RMST: variants seen among roughly 807,000 people sequenced by gnomAD.
The protein encoded by RMST is rhabdomyosarcoma 2 associated transcript, also known as long intergenic non-protein coding RNA 54.
intron 5 of RMST, among the ~76,000 whole-genome samples, chr12:97,489,418 G>A (rs1048800766): frequency 1.3e-5 from 2 of 151,488 alleles, no homozygotes; most frequent in African/African-American, 2.4e-5. Context: ...CTGCACTCCA[G>A]CCTGGATGAC....
intron 11 of RMST, among the ~76,000 whole-genome samples, chr12:97,535,496 C>T (rs542327706): frequency 2.0e-5 from 3 of 151,610 alleles, no homozygotes; most frequent in Admixed American, 6.6e-5. Flanking sequence ...AGGTACTCCC[C>T]CCAATCCAGT....
At chr12:97,476,201 A>G (rs550631390) in intron 5 of RMST, among the ~76,000 whole-genome samples, 2 of 152,306 alleles carry the variant, frequency 1.3e-5, no homozygotes, top group South Asian at 4.1e-4. Context: ...GTCATTTTAT[A>G]GCCTAAAAGA....
At position 97,553,742 on chromosome 12, in the gene RMST, A is replaced by T. The variant is rs187548705; in HGVS notation, n.1546-6795A>T. Among the ~76,000 whole-genome samples, 6 of 152,190 alleles carry T rather than the reference A, an allele frequency of 3.9e-5. No individual in the cohort carries two copies. The East Asian group carries it at 1.2e-3, about 29-fold the overall frequency. ...CTCAAATCAAATAAGCCTGGGTTTG[A>T]GTCCCAGCATCAATACCTACTAGTT... On this transcript the variant is annotated intron_variant and non_coding_transcript_variant, in intron 11 of 13. Coordinates refer to ENST00000640149, the Ensembl canonical transcript of RMST.
At position 97,534,962 on chromosome 12, in the gene RMST, C is replaced by T. The variant is rs118025626; in HGVS notation, n.1545+4103C>T. Among the ~76,000 whole-genome samples the T allele has an allele frequency of 1.7e-3, 253 of 151,524 alleles. 9 individuals carry two copies. In the East Asian group the frequency reaches 0.045, roughly 27 times the overall value. On this transcript the variant is annotated intron_variant and non_coding_transcript_variant, in intron 11 of 13. Transcript: ENST00000640149. ...AAATTTAGAGTAGATGTACTATAAG[C>T]GATTTTATTCTTCTGGACTAAGGAG...
chr12:97,480,008 T>C (rs1298232070), intron 5 of RMST, among the ~76,000 whole-genome samples: 1 of 152,144 alleles, frequency 6.6e-6, no homozygotes, highest in Non-Finnish European at 1.5e-5. Flanking sequence ...CACTTTTGGC[T>C]CTTTTTTGCC....
At chr12:97,519,169 G>A (rs770199670) in intron 10 of RMST, among the ~76,000 whole-genome samples, 14 of 152,174 alleles carry the variant, frequency 9.2e-5, no homozygotes, top group Non-Finnish European at 1.8e-4. Context: ...TTGGTACTTA[G>A]GGTTTAGTAC....
At chr12:97,503,335 C>T (rs1878295421) in intron 10 of RMST, among the ~76,000 whole-genome samples, 1 of 151,818 alleles carries the variant, frequency 6.6e-6, no homozygotes. Flanking sequence ...ATTTTATCGA[C>T]GTGAACTTTG....
At chr12:97,559,982 G>A (rs1045790298) in intron 11 of RMST, among the ~76,000 whole-genome samples, 5 of 151,966 alleles carry the variant, frequency 3.3e-5, no homozygotes, top group African/African-American at 7.3e-5. Context: ...TTAACTTTTG[G>A]TGTCAAAACA....
At chr12:97,514,983 TACTC>T (rs997110530) in intron 10 of RMST, among the ~76,000 whole-genome samples, 5 of 152,194 alleles carry the variant, frequency 3.3e-5, no homozygotes, top group African/African-American at 4.8e-5. Context: ...AAAAAGTTAA[TACTC>T]ACTGTTTTCA....
intron 10 of RMST, among the ~76,000 whole-genome samples, chr12:97,526,338 T>C (rs1409118952): frequency 6.6e-6 from 1 of 152,166 alleles, no homozygotes; most frequent in East Asian, 1.9e-4. Context: ...TTCATATCGG[T>C]ACTCCTACTT....
intron 10 of RMST, among the ~76,000 whole-genome samples, chr12:97,508,562 G>T (rs1878949652): frequency 6.6e-6 from 1 of 152,232 alleles, no homozygotes; most frequent in African/African-American, 2.4e-5. Context: ...AAGCTGAGAA[G>T]ATGCAAGTGA....
chr12:97,516,346 C>T (rs1004457512), intron 10 of RMST, among the ~76,000 whole-genome samples: 5 of 151,898 alleles, frequency 3.3e-5, no homozygotes, highest in African/African-American at 1.2e-4. Flanking sequence ...TGCTAATTGC[C>T]GTCACATTTT....
chr12:97,468,819 C>T (rs1378931103), intron 5 of RMST, among the ~76,000 whole-genome samples: 1 of 151,916 alleles, frequency 6.6e-6, no homozygotes, highest in Non-Finnish European at 1.5e-5. Flanking sequence ...AATCTCCTCC[C>T]ATATGGATTT....
chr12:97,519,667 C>T (rs1000280343), intron 10 of RMST, among the ~76,000 whole-genome samples: 8 of 152,130 alleles, frequency 5.3e-5, no homozygotes, highest in Admixed American at 2.6e-4. Flanking sequence ...TGTTCAGAAT[C>T]GGTTCTTATC....
chr12:97,513,143 A>AGG (rs1019354042), intron 10 of RMST, among the ~76,000 whole-genome samples: 22 of 152,210 alleles, frequency 1.4e-4, no homozygotes, highest in African/African-American at 5.3e-4. Context: ...CTGCAAGCTG[A>AGG]GGGGGCCGGC....
chr12:97,545,821 C>G (rs530633286), intron 11 of RMST, among the ~76,000 whole-genome samples: 2 of 152,052 alleles, frequency 1.3e-5, no homozygotes, highest in African/African-American at 4.8e-5. Flanking sequence ...TATGACTCCA[C>G]GTAAATATGT....
intron 10 of RMST, among the ~76,000 whole-genome samples, chr12:97,529,658 G>A (rs144703106): frequency 4.6e-5 from 7 of 152,028 alleles, no homozygotes; most frequent in Non-Finnish European, 7.4e-5. Context: ...TCAAGATAAC[G>A]GCTTACCATG....
Position 97,504,402 on chromosome 12 carries a change from T to TA in RMST, n.1340+8346_1340+8347insA, listed in dbSNP as rs754529152. Among the ~76,000 whole-genome samples, 7 of 125,226 alleles carry TA rather than the reference T, an allele frequency of 5.6e-5. 2 individuals carry two copies. Among genetic ancestry groups the TA allele is most frequent in the African/African-American group, 1.2e-4 (4 of 32,146 alleles). 82.2% of individuals were successfully genotyped at this position (125,226 alleles called of 152,430 possible). ...CTGGGCGACAGAGTGAGACTTCATT[T>TA]CAAAAAAAAAAAAAAAAAAAAAGAA... On this transcript the variant is annotated intron_variant and non_coding_transcript_variant, in intron 10 of 13. Coordinates refer to ENST00000640149, the Ensembl canonical transcript of RMST.
chr12:97,472,099 G>A lies in RMST; in HGVS notation n.644+6372G>A, dbSNP rs145785008. Among the ~76,000 whole-genome samples the A allele has an allele frequency of 4.7e-3, 713 of 152,178 alleles. 2 individuals carry two copies. The highest frequency in any genetic ancestry group is 7.9e-3 in the Non-Finnish European group (540 of 67,984). On this transcript the variant is annotated intron_variant and non_coding_transcript_variant, in intron 5 of 13. Coordinates refer to ENST00000640149, the Ensembl canonical transcript of RMST. ...TAATATGTGAAAGGCTGTAAGTGACGCACGAATAATACCATTCCATTTTTA... is the reference window on the plus strand; with the variant it reads ...TAATATGTGAAAGGCTGTAAGTGACACACGAATAATACCATTCCATTTTTA...
Sources: allele counts gnomAD v4.1 joint callset (sites outside exome capture counted in the v4.1 genomes callset), GRCh38; gene constraint gnomAD v4.1.1; transcripts MANE v1.5; gene names NCBI Gene and HGNC (gene_info 2026-07-23, HGNC 2026-07-21).